Variants in RUNX2 observed in about 807,000 individuals in gnomAD.
The protein encoded by RUNX2 is RUNX family transcription factor 2, also known as runt-related transcription factor 2.
RUNX2 carries 10 observed loss-of-function variants against 51.7 expected under a neutral mutation model. That is an observed-to-expected ratio of 0.19 (90% confidence interval 0.12 to 0.33). The LOEUF (loss-of-function observed/expected upper bound fraction) is 0.33, where lower values mean the gene tolerates loss of function less well. RUNX2 is among the 10% of genes least tolerant of loss of function. The pLI, the probability that RUNX2 is intolerant of heterozygous loss-of-function variation, is 1.00. For missense variants in RUNX2, 562 were observed against 691.3 expected (o/e 0.81, Z 2.10); for synonymous variants, 276 against 273.6 (o/e 1.01, Z -0.09).
intron 2 of RUNX2, among the ~76,000 whole-genome samples, chr6:45,367,431 AGAAAC>A (rs759358648): frequency 6.6e-6 from 1 of 152,254 alleles, no homozygotes; most frequent in East Asian, 1.9e-4. Flanking sequence ...ACACAGGAAA[AGAAAC>A]ATAACCATTT....
intron 7 of RUNX2, among the ~76,000 whole-genome samples, chr6:45,535,267 A>G (rs925459576): frequency 6.6e-6 from 1 of 152,116 alleles, no homozygotes; most frequent in Non-Finnish European, 1.5e-5. Flanking sequence ...AAAAGGCTAT[A>G]GAGGTGATTG....
At chr6:45,420,145 C>T (rs1249249854) in intron 2 of RUNX2, among the ~76,000 whole-genome samples, 1 of 152,186 alleles carries the variant, frequency 6.6e-6, no homozygotes, top group Non-Finnish European at 1.5e-5. Flanking sequence ...GCACCCCCAC[C>T]TCTGCTCCCG....
At chr6:45,541,918 C>T (rs958347091) in intron 7 of RUNX2, among the ~76,000 whole-genome samples, 1 of 152,154 alleles carries the variant, frequency 6.6e-6, no homozygotes, top group African/African-American at 2.4e-5. Flanking sequence ...TTATTGGGGG[C>T]CTAGTCAATG....
At chr6:45,417,870 A>C (rs7768666) in intron 2 of RUNX2, among the ~76,000 whole-genome samples, 12,168 of 152,300 alleles carry the variant, frequency 0.08, 711 homozygotes, top group South Asian at 0.18. Context: ...AAATGCAAAA[A>C]ACATCTTTGA....
At chr6:45,368,242 C>T (rs1324358730) in intron 2 of RUNX2, among the ~76,000 whole-genome samples, 1 of 152,018 alleles carries the variant, frequency 6.6e-6, no homozygotes, top group Non-Finnish European at 1.5e-5. Context: ...TTTCAACATG[C>T]CAGAGTTTAA....
intron 7 of RUNX2, among the ~76,000 whole-genome samples, chr6:45,515,288 A>G (rs1801286009): frequency 6.6e-6 from 1 of 152,212 alleles, no homozygotes; most frequent in Non-Finnish European, 1.5e-5. Context: ...TCATACATAT[A>G]TCAGGCAACT....
At chr6:45,356,620 C>T (rs1241960319) in intron 2 of RUNX2, among the ~76,000 whole-genome samples, 1 of 151,888 alleles carries the variant, frequency 6.6e-6, no homozygotes, top group Non-Finnish European at 1.5e-5. Context: ...AGGCTGGTCT[C>T]GAACTCCTGA....
chr6:45,341,658 A>T (rs1326328647), intron 2 of RUNX2, among the ~76,000 whole-genome samples: 1 of 152,212 alleles, frequency 6.6e-6, no homozygotes, highest in African/African-American at 2.4e-5. Context: ...AAAGGAATGA[A>T]ATGGCAAAAT....
intron 5 of RUNX2, among the ~76,000 whole-genome samples, chr6:45,490,960 C>G (rs1185926747): frequency 6.6e-6 from 1 of 152,160 alleles, no homozygotes; most frequent in African/African-American, 2.4e-5. Context: ...TAGATTTACT[C>G]TACTGTGGTA....
chr6:45,342,021 A>T (rs751737480), intron 2 of RUNX2, among the ~76,000 whole-genome samples: 1 of 152,060 alleles, frequency 6.6e-6, no homozygotes, highest in Non-Finnish European at 1.5e-5. Context: ...CGGAGACTGG[A>T]CTGAAAAATA....
At chr6:45,403,783 G>T (rs538950578) in intron 2 of RUNX2, among the ~76,000 whole-genome samples, 1 of 152,226 alleles carries the variant, frequency 6.6e-6, no homozygotes, top group East Asian at 1.9e-4. Context: ...TGGGGGAAGA[G>T]GGAAGACAGA....
At chr6:45,348,606 T>A (rs1581785030) in intron 2 of RUNX2, among the ~76,000 whole-genome samples, 1 of 139,926 alleles carries the variant, frequency 7.1e-6, no homozygotes, top group East Asian at 2.0e-4. Context: ...ATCCGGGAGG[T>A]GGAGGTTGCA....
chr6:45,534,087 G>T (rs996991705), intron 7 of RUNX2, among the ~76,000 whole-genome samples: 3 of 151,890 alleles, frequency 2.0e-5, no homozygotes, highest in African/African-American at 7.3e-5. Flanking sequence ...TAGAGATGGG[G>T]TTTCACCATA....
intron 3 of RUNX2, among the ~76,000 whole-genome samples, chr6:45,430,281 C>T (rs188269844): frequency 1.2e-4 from 18 of 152,038 alleles, no homozygotes; most frequent in Admixed American, 1.1e-3. Context: ...TAGTCATAGA[C>T]CATTAATATT....
rs190975772 is a variant in RUNX2, at chr6:45,437,652, T to C, written c.581-295T>C. On this transcript the variant is annotated intron_variant, in intron 4 of 8. Coordinates refer to ENST00000647337, the MANE Select transcript of RUNX2 (RefSeq NM_001024630.4). Reference sequence around the variant, plus strand: ...TGAAAGAAAAAGAACCTTCCTCAAGTGGACCAGGGTTTTGTTTTCATTACA... The same window carrying C: ...TGAAAGAAAAAGAACCTTCCTCAAGCGGACCAGGGTTTTGTTTTCATTACA... Among the ~76,000 whole-genome samples, 10 of 152,318 alleles carry C rather than the reference T, an allele frequency of 6.6e-5. 1 individual carries two copies. The East Asian group carries it at 1.9e-3, about 29-fold the overall frequency.
In RUNX2 at chr6:45,547,633, T is replaced by C; in HGVS notation, c.*328T>C. The C allele has an allele frequency of 2.9e-6, 1 of 348,786 alleles. No homozygotes were observed. The highest frequency in any genetic ancestry group is 5.5e-6 in the Non-Finnish European group (1 of 182,756). The allele number at this position is 348,786 out of a possible 1,614,324, so 21.6% of individuals were successfully genotyped here. On this transcript the variant is annotated 3_prime_UTR_variant, in exon 9 of 9. Transcript: ENST00000647337. ...TGTTATCATCAATAACCTGTTCATA[T>C]GCCAATTCAGAGAGGTGGACTCCAG...
In RUNX2 at chr6:45,329,426, G is replaced by C. The variant is rs151007996; in HGVS notation, c.58+642G>C. Among the ~76,000 whole-genome samples, 1,326 of 151,974 alleles carry C rather than the reference G, an allele frequency of 8.7e-3. 10 individuals are homozygous for C. Among genetic ancestry groups the C allele is most frequent in the Non-Finnish European group, 0.014 (941 of 67,876 alleles). ...AAGCACATCACAGCCATTTTTAAAA[G>C]ATCTTTATAGTTGCCCAGGATATTA... On this transcript the variant is annotated intron_variant, in intron 2 of 8. Coordinates refer to ENST00000647337, the MANE Select transcript of RUNX2 (RefSeq NM_001024630.4).
At chr6:45,428,160 G>C (rs1157790153) in intron 3 of RUNX2, among the ~76,000 whole-genome samples, 1 of 152,162 alleles carries the variant, frequency 6.6e-6, no homozygotes. Context: ...TTCCTAACTA[G>C]TTAAAGAGCG....
At chr6:45,473,589 A>G (rs1372096021) in intron 5 of RUNX2, among the ~76,000 whole-genome samples, 1 of 152,216 alleles carries the variant, frequency 6.6e-6, no homozygotes, top group African/African-American at 2.4e-5. Context: ...GGTATGGTAC[A>G]TAAAAATGGC....
Sources: allele counts gnomAD v4.1 joint callset (sites outside exome capture counted in the v4.1 genomes callset), GRCh38; gene constraint gnomAD v4.1.1; transcripts MANE v1.5; gene names NCBI Gene and HGNC (gene_info 2026-07-23, HGNC 2026-07-21).